The following SYT14 variants were observed in gnomAD, a reference collection of about 807,000 sequenced individuals.
SYT14 encodes synaptotagmin 14, also known as synaptotagmin-14.
SYT14 carries 32 observed loss-of-function variants against 74.2 expected under a neutral mutation model. The observed-to-expected ratio is 0.43, with a 90% CI of 0.33 to 0.58. SYT14 has a LOEUF of 0.58. Ranked by LOEUF, SYT14 falls within the 20% of genes least tolerant of loss-of-function variation. The probability of loss-of-function intolerance (pLI) is 0.05; values close to 1 mark genes in which losing one functional copy is unlikely to be tolerated. For missense variants in SYT14, 791 were observed against 981.8 expected (o/e 0.81, Z 2.60); for synonymous variants, 298 against 337.7 (o/e 0.88, Z 1.29).
At chr1:210,016,642 A>G (rs1437183171) in exon 4 of SYT14, 3 of 1,231,792 alleles carry the variant, frequency 2.4e-6, no homozygotes, top group Admixed American at 8.4e-5. Context: ...TGTATGAGCA[A>G]AAGAAATATG....
intron 7 of SYT14, among the ~76,000 whole-genome samples, chr1:210,127,268 T>G (rs968801852): frequency 2.0e-5 from 3 of 152,162 alleles, no homozygotes; most frequent in Non-Finnish European, 2.9e-5. Context: ...TTACCCTCAC[T>G]CCCAGGGCAG....
At chr1:209,949,589 C>T (rs1040128287) in intron 1 of SYT14, among the ~76,000 whole-genome samples, 1 of 148,838 alleles carries the variant, frequency 6.7e-6, no homozygotes, top group African/African-American at 2.6e-5. Context: ...AAAAAAAACA[C>T]TCAATTTCAG....
intron 2 of SYT14, among the ~76,000 whole-genome samples, chr1:209,976,763 A>G (rs1456732293): frequency 1.3e-5 from 2 of 152,148 alleles, no homozygotes; most frequent in South Asian, 2.1e-4. Flanking sequence ...TATCCTTGTT[A>G]ACTTTCTGTC....
intron 1 of SYT14, among the ~76,000 whole-genome samples, chr1:209,941,374 G>C (rs964061585): frequency 3.3e-5 from 5 of 152,178 alleles, no homozygotes; most frequent in Non-Finnish European, 7.4e-5. Flanking sequence ...ATTGACAATA[G>C]TTACACATCC....
At chr1:210,053,344 ATAG>A (rs1445260138) in intron 5 of SYT14, among the ~76,000 whole-genome samples, 1 of 151,936 alleles carries the variant, frequency 6.6e-6, no homozygotes, top group African/African-American at 2.4e-5. Flanking sequence ...TGCTGAAGTA[ATAG>A]TAGTGGTAAA....
intron 5 of SYT14, among the ~76,000 whole-genome samples, chr1:210,021,702 G>C (rs2080307929): frequency 6.6e-6 from 1 of 152,194 alleles, no homozygotes; most frequent in Non-Finnish European, 1.5e-5. Context: ...GCACATGGCA[G>C]ACAGCGGAAG....
chr1:209,951,228 A>G (rs190148289), intron 1 of SYT14, among the ~76,000 whole-genome samples: 5 of 152,248 alleles, frequency 3.3e-5, no homozygotes, highest in South Asian at 4.2e-4. Flanking sequence ...AAAACTCCTC[A>G]TCTATCTGAA....
intron 7 of SYT14, among the ~76,000 whole-genome samples, chr1:210,114,423 A>G (rs2082319493): frequency 6.6e-6 from 1 of 151,402 alleles, no homozygotes; most frequent in South Asian, 2.1e-4. Flanking sequence ...TACACCTTGA[A>G]GGCGAGGTTA....
intron 5 of SYT14, among the ~76,000 whole-genome samples, chr1:210,074,532 G>T (rs976046361): frequency 3.3e-5 from 5 of 152,168 alleles, no homozygotes; most frequent in Non-Finnish European, 1.5e-5. Context: ...TATTAATAAT[G>T]TTGGAAGAGG....
At chr1:210,134,045 A>T (rs868019349) in intron 7 of SYT14, among the ~76,000 whole-genome samples, 2 of 151,838 alleles carry the variant, frequency 1.3e-5, no homozygotes, top group Non-Finnish European at 2.9e-5. Flanking sequence ...TTGATTGGTT[A>T]GGTTTTGTTG....
chr1:209,944,118 ATTATC>A (rs953656779), intron 1 of SYT14, among the ~76,000 whole-genome samples: 5 of 152,226 alleles, frequency 3.3e-5, no homozygotes, highest in African/African-American at 9.6e-5. Context: ...TGAATATTAA[ATTATC>A]TTCAGTATTC....
At chr1:210,100,191 G>T (rs762131973) in exon 7 of SYT14, 2 of 1,613,902 alleles carry the variant, frequency 1.2e-6, no homozygotes. Context: ...GCAACTCATG[G>T]CAAGTACACC....
At chr1:210,022,811 C>G (rs895642951) in intron 5 of SYT14, among the ~76,000 whole-genome samples, 11 of 152,036 alleles carry the variant, frequency 7.2e-5, no homozygotes, top group Admixed American at 2.6e-4. Flanking sequence ...TGTGCATTCC[C>G]TTTTTGCAGG....
chr1:210,028,892 G>A (rs2080469330), intron 5 of SYT14, among the ~76,000 whole-genome samples: 1 of 152,108 alleles, frequency 6.6e-6, no homozygotes, highest in South Asian at 2.1e-4. Context: ...TCCTCCAGTA[G>A]TGTACAAGCG....
chr1:210,129,129 C>T (rs557651066), intron 7 of SYT14, among the ~76,000 whole-genome samples: 2 of 152,210 alleles, frequency 1.3e-5, no homozygotes, highest in African/African-American at 4.8e-5. Context: ...ATATAAAAAG[C>T]CAGAGATTAC....
chr1:209,962,962 A>G (rs1041910937), intron 2 of SYT14, among the ~76,000 whole-genome samples: 1 of 152,182 alleles, frequency 6.6e-6, no homozygotes, highest in African/African-American at 2.4e-5. Context: ...AGGTGTTTAC[A>G]GAATGATGTC....
intron 7 of SYT14, among the ~76,000 whole-genome samples, chr1:210,104,756 A>T (rs2082128850): frequency 6.6e-6 from 1 of 152,308 alleles, no homozygotes; most frequent in East Asian, 1.9e-4. Context: ...TTTATCTCAC[A>T]AACATACACA....
chr1:209,962,294 CT>C (rs1440215998), intron 2 of SYT14, among the ~76,000 whole-genome samples: 1 of 151,434 alleles, frequency 6.6e-6, no homozygotes, highest in Non-Finnish European at 1.5e-5. Flanking sequence ...AGCTCAGTGA[CT>C]TCTAGACACT....
chr1:209,985,870 CT>C (rs1426288569), intron 2 of SYT14, among the ~76,000 whole-genome samples: 1 of 152,332 alleles, frequency 6.6e-6, no homozygotes, highest in East Asian at 1.9e-4. Context: ...CAAGGTATAC[CT>C]GGGCCTTTTT....
Sources: allele counts gnomAD v4.1 joint callset (sites outside exome capture counted in the v4.1 genomes callset), GRCh38; gene constraint gnomAD v4.1.1; transcripts MANE v1.5; gene names NCBI Gene and HGNC (gene_info 2026-07-23, HGNC 2026-07-21).